Variants in KHDRBS2 observed in about 807,000 individuals in gnomAD.
KHDRBS2 encodes the protein KH domain-containing, RNA-binding, signal transduction-associated protein 2.
KHDRBS2 carries 26 observed loss-of-function variants against 44.3 expected under a neutral mutation model. The ratio of observed to expected loss-of-function variants is 0.59; its 90% CI spans 0.43 to 0.81. The LOEUF (loss-of-function observed/expected upper bound fraction) is 0.81. Among genes scored for constraint, KHDRBS2 ranks in the 40% least tolerant of loss-of-function variants. KHDRBS2 has a pLI of 0.00. For synonymous variants in KHDRBS2, 194 were observed against 151.1 expected, an observed-to-expected ratio of 1.28 and a Z score of -2.08; for missense variants, 476 against 433.1, an observed-to-expected ratio of 1.10 and a Z score of -0.88.
At chr6:62,257,859 T>C (rs1837655092) in intron 1 of KHDRBS2, among the ~76,000 whole-genome samples, 1 of 152,054 alleles carries the variant, frequency 6.6e-6, no homozygotes, top group Non-Finnish European at 1.5e-5. Context: ...ATCCATCTTC[T>C]GGTCTTTACC....
At chr6:61,631,443 T>C in the KHDRBS2 span, among the ~76,000 whole-genome samples, 3 of 151,924 alleles carry the variant, frequency 2.0e-5, no homozygotes, top group Non-Finnish European at 2.9e-5. Flanking sequence ...TAGAAAATAT[T>C]TTCAAGGAAG....
At chr6:61,935,874 C>T (rs1371365826) in intron 4 of KHDRBS2, among the ~76,000 whole-genome samples, 2 of 152,024 alleles carry the variant, frequency 1.3e-5, no homozygotes, top group African/African-American at 4.8e-5. Context: ...CAGAGAATGA[C>T]AATCTCATCA....
At chr6:61,801,407 G>A (rs1199377809) in intron 6 of KHDRBS2, among the ~76,000 whole-genome samples, 1 of 152,076 alleles carries the variant, frequency 6.6e-6, no homozygotes, top group Non-Finnish European at 1.5e-5. Context: ...TTCTAGAGAA[G>A]GTGCTTGCAC....
the KHDRBS2 span, among the ~76,000 whole-genome samples, chr6:61,568,798 A>G: frequency 6.6e-6 from 1 of 152,238 alleles, no homozygotes; most frequent in Admixed American, 6.5e-5. Flanking sequence ...ATCCCTGACT[A>G]TCTCTCACAG....
At chr6:62,144,329 C>T (rs1813479729) in intron 2 of KHDRBS2, among the ~76,000 whole-genome samples, 1 of 151,940 alleles carries the variant, frequency 6.6e-6, no homozygotes, top group South Asian at 2.1e-4. Flanking sequence ...AAATTGCATT[C>T]AGCATTGATA....
At chr6:61,729,415 G>T (rs111759730) in intron 7 of KHDRBS2, among the ~76,000 whole-genome samples, 52 of 152,116 alleles carry the variant, frequency 3.4e-4, no homozygotes, top group African/African-American at 1.2e-3. Context: ...ACAACAAACC[G>T]CCATGACAGA....
intron 3 of KHDRBS2, among the ~76,000 whole-genome samples, chr6:61,986,618 A>C (rs1476146417): frequency 3.3e-5 from 5 of 152,200 alleles, no homozygotes; most frequent in Non-Finnish European, 7.3e-5. Context: ...ACTGCAAAAT[A>C]CCATAAACTG....
chr6:62,100,009 A>T (rs1231646346), intron 2 of KHDRBS2, among the ~76,000 whole-genome samples: 2 of 152,234 alleles, frequency 1.3e-5, no homozygotes, highest in Non-Finnish European at 2.9e-5. Context: ...GAGCAAAGTA[A>T]ATTGAAAACC....
chr6:61,547,821 T>C, the KHDRBS2 span, among the ~76,000 whole-genome samples: 20 of 152,148 alleles, frequency 1.3e-4, no homozygotes, highest in African/African-American at 4.6e-4. Flanking sequence ...TAATACATTT[T>C]ATATGCATTC....
chr6:61,783,908 A>G (rs1004247783), intron 6 of KHDRBS2, among the ~76,000 whole-genome samples: 13 of 152,038 alleles, frequency 8.6e-5, no homozygotes, highest in African/African-American at 3.1e-4. Flanking sequence ...TTACTTGATA[A>G]TATCAGGCAT....
intron 4 of KHDRBS2, among the ~76,000 whole-genome samples, chr6:61,919,249 T>G (rs142467139): frequency 2.6e-5 from 4 of 152,034 alleles, no homozygotes; most frequent in African/African-American, 7.2e-5. Flanking sequence ...ATATAAAATA[T>G]ATGATTGCAT....
At chr6:62,027,503 G>A (rs575706028) in intron 3 of KHDRBS2, among the ~76,000 whole-genome samples, 82 of 152,040 alleles carry the variant, frequency 5.4e-4, no homozygotes, top group Non-Finnish European at 6.6e-4. Flanking sequence ...CTTCACACCT[G>A]AGTTTATGTT....
At chr6:61,619,664 G>T in the KHDRBS2 span, among the ~76,000 whole-genome samples, 31 of 152,044 alleles carry the variant, frequency 2.0e-4, no homozygotes, top group Non-Finnish European at 3.8e-4. Context: ...ATGTTTGTCA[G>T]ACTGGTCTCG....
intron 1 of KHDRBS2, among the ~76,000 whole-genome samples, chr6:62,240,808 T>G (rs1834542180): frequency 6.7e-6 from 1 of 149,634 alleles, no homozygotes; most frequent in Non-Finnish European, 1.5e-5. Context: ...TAACTTCTCT[T>G]TCCAACTCTG....
chr6:61,778,425 CA>C (rs1337033743), intron 6 of KHDRBS2, among the ~76,000 whole-genome samples: 1 of 152,054 alleles, frequency 6.6e-6, no homozygotes, highest in South Asian at 2.1e-4. Context: ...ATAATTTACC[CA>C]AAAAACATAA....
chr6:61,644,235 A>T, the KHDRBS2 span, among the ~76,000 whole-genome samples: 1 of 152,322 alleles, frequency 6.6e-6, no homozygotes, highest in South Asian at 2.1e-4. Flanking sequence ...TGGTGCTGGG[A>T]TAACTGGCTA....
In KHDRBS2 at chr6:62,185,265, T is replaced by C. The variant is rs191460628; in HGVS notation, c.92-7953A>G. On this transcript the variant is annotated intron_variant, in intron 1 of 8. Coordinates refer to ENST00000281156, the MANE Select transcript of KHDRBS2 (RefSeq NM_152688.4). ...TAGGCCAAAGCAGAATAGGAAATTA[T>C]ACCCTAAACCTGTGTTTTACATCAT... 7.2e-4 allele frequency among the ~76,000 whole-genome samples: 110 copies of C among 152,042 alleles called. 1 individual carries two copies. Among genetic ancestry groups the C allele is most frequent in the Non-Finnish European group, 9.4e-4 (64 of 67,878 alleles).
At chr6:62,218,821 TG>T (rs1192279497) in intron 1 of KHDRBS2, among the ~76,000 whole-genome samples, 1 of 151,804 alleles carries the variant, frequency 6.6e-6, no homozygotes, top group Non-Finnish European at 1.5e-5. Flanking sequence ...ATATCCACAA[TG>T]AAATACTGTT....
intron 1 of KHDRBS2, among the ~76,000 whole-genome samples, chr6:62,232,675 C>A (rs367660929): frequency 1.3e-5 from 2 of 152,094 alleles, no homozygotes; most frequent in Non-Finnish European, 2.9e-5. Flanking sequence ...CATATCCCTA[C>A]GTATAGCCAG....
Sources: allele counts gnomAD v4.1 joint callset (sites outside exome capture counted in the v4.1 genomes callset), GRCh38; gene constraint gnomAD v4.1.1; transcripts MANE v1.5; gene names NCBI Gene and HGNC (gene_info 2026-07-23, HGNC 2026-07-21).